The following TRPV6 variants were observed in gnomAD, a reference collection of about 807,000 sequenced individuals.
TRPV6 encodes Alu-binding protein with zinc finger domain.
A neutral mutation model predicts 79.0 loss-of-function variants in TRPV6; 39 were observed. The observed-to-expected ratio is 0.49, with a 90% CI of 0.38 to 0.64. The LOEUF (loss-of-function observed/expected upper bound fraction) is 0.64. TRPV6 is among the 30% of genes least tolerant of loss of function. TRPV6 has a pLI of 0.00. For synonymous variants in TRPV6, 373 were observed against 391.9 expected, an observed-to-expected ratio of 0.95 and a Z score of 0.57; for missense variants, 813 against 1,011.1, an observed-to-expected ratio of 0.80 and a Z score of 2.66.
chr7:142,874,375 G>A (rs1795007991), intron 11 of TRPV6, 116 bp downstream of exon 11: 3 of 1,353,188 alleles, frequency 2.2e-6, no homozygotes, highest in Admixed American at 3.8e-5. Context: ...AAAACATGCA[G>A]TGAGGCCATG....
intron 4 of TRPV6, 25 bp from the exon 5 acceptor site, chr7:142,876,862 T>C (rs1450983539): frequency 6.2e-7 from 1 of 1,613,312 alleles, no homozygotes; most frequent in Non-Finnish European, 8.5e-7. Flanking sequence ...AGATCTATGG[T>C]AGGAGAGTGC....
intron 1 of TRPV6, chr7:142,883,372 T>G (rs1042570566): frequency 6.6e-6 from 1 of 152,168 alleles, no homozygotes; most frequent in Non-Finnish European, 1.5e-5. Flanking sequence ...CCTTTCTCAC[T>G]AGACCATCCT....
intron 1 of TRPV6, chr7:142,884,198 G>C (rs1024252605): frequency 2.0e-5 from 3 of 152,238 alleles, no homozygotes; most frequent in Non-Finnish European, 2.9e-5. Context: ...ATGTGCTCCA[G>C]TCCCCACTCT....
chr7:142,873,882 T>A lies in TRPV6; in HGVS notation c.1640-166A>T. 1 of 1,119,698 alleles carries A rather than the reference T, an allele frequency of 8.9e-7. No homozygotes were observed. The highest frequency in any genetic ancestry group is 1.3e-6 in the Non-Finnish European group (1 of 781,420). 69.4% of individuals were successfully genotyped at this position (1,119,698 alleles called of 1,614,324 possible). On this transcript the variant is annotated intron_variant, in intron 12 of 14. Transcript: ENST00000359396. This position sits in a 1 kb window ranked among gnomAD's most constrained non-coding sequence, Gnocchi z 4.8. ...GGTCCCTAGTTTTGTATGAGCCTCA[T>A]CTTGATCCTAAGAGCCACCTCTCCC...
chr7:142,875,356 T>C (rs1563354657), intron 8 of TRPV6, 112 bp downstream of exon 8: 1 of 1,301,210 alleles, frequency 7.7e-7, no homozygotes, highest in Non-Finnish European at 1.1e-6. Flanking sequence ...TGTACCCATA[T>C]ATTTGAGATT....
intron 3 of TRPV6, 86 bp downstream of exon 3, chr7:142,877,565 C>T: frequency 6.4e-7 from 1 of 1,555,010 alleles, no homozygotes; most frequent in Admixed American, 1.9e-5. Context: ...TCCCCTGTGT[C>T]TTTCCCAAAT....
intron 1 of TRPV6, chr7:142,880,473 G>A (rs752590830): frequency 5.3e-5 from 8 of 152,178 alleles, no homozygotes; most frequent in Non-Finnish European, 1.2e-4. Flanking sequence ...ATGCTTCCAC[G>A]TTTGTGTCCC....
intron 1 of TRPV6, chr7:142,882,268 T>C (rs956905497): frequency 2.0e-5 from 3 of 152,242 alleles, no homozygotes; most frequent in African/African-American, 7.2e-5. Context: ...CCCCTCTCAT[T>C]CCCGCAGCAT....
chr7:142,885,582 G>A lies in TRPV6; in HGVS notation c.55C>T (p.Pro19Ser). 1 of 1,515,470 alleles carries A rather than the reference G, an allele frequency of 6.6e-7. No individual in the cohort carries two copies. Among genetic ancestry groups the A allele is most frequent in the Non-Finnish European group, 8.8e-7 (1 of 1,130,926 alleles). The allele number at this position is 1,515,470 out of a possible 1,614,324, so 93.9% of individuals were successfully genotyped here. The change falls in exon 1 of 15, where the codon CCA (proline) becomes TCA (serine). Residue 19 changes from proline to serine, a missense_variant. By Grantham distance (74) the Pro-to-Ser change is moderately conservative. Transcript: ENST00000359396. The stretch of plus-strand genomic sequence containing the variant: ...CAGACCCTGACGGGACTCAGCCTTG[G>A]GGCCACATCAGCCCCCCCAAGGGCC...
At chr7:142,877,327 C>T in intron 3 of TRPV6, 48 bp from the exon 4 acceptor site, 1 of 1,602,660 alleles carries the variant, frequency 6.2e-7, no homozygotes, top group African/African-American at 1.3e-5. Context: ...CAGGATCCTG[C>T]AGGGGGTCCC....
rs1223387782 is a variant in TRPV6, at chr7:142,879,550, G to A, written c.249-1524C>T. 8 of 152,274 alleles carry A rather than the reference G, an allele frequency of 5.3e-5. No homozygotes were observed. The East Asian group carries it at 9.7e-4, about 18-fold the overall frequency. 9.4% of individuals were successfully genotyped at this position (152,274 alleles called of 1,614,324 possible). A position where few individuals can be genotyped will look rare whatever the true frequency, so the allele number is the denominator to read the frequency against. On this transcript the variant is annotated intron_variant, in intron 1 of 14. Transcript: ENST00000359396. ...TAGACAGGAGCTCACATTCTAAAGCGCTGGCAGTGGCAAGAAATTGACTCC... is the reference window on the plus strand; with the variant it reads ...TAGACAGGAGCTCACATTCTAAAGCACTGGCAGTGGCAAGAAATTGACTCC...
In TRPV6 at chr7:142,885,669, G is replaced by T. The variant is rs914391858; in HGVS notation, c.-33C>A. ...CTCCTGCCTTCCTGACGAGTTCCTT[G>T]GGAGTCTCCCAGCAGCCCCAGCCAG... On this transcript the variant is annotated 5_prime_UTR_variant, in exon 1 of 15. Coordinates refer to ENST00000359396, the MANE Select transcript of TRPV6 (RefSeq NM_018646.6). 1.5e-5 allele frequency: 16 copies of T among 1,097,958 alleles called. No individual in the cohort carries two copies. In the African/African-American group the frequency reaches 1.7e-4, roughly 12 times the overall value. The allele number at this position is 1,097,958 out of a possible 1,614,324, so 68.0% of individuals were successfully genotyped here.
intron 3 of TRPV6, 91 bp downstream of exon 3, chr7:142,877,558 CCT>C (rs1305206984): frequency 6.5e-7 from 1 of 1,547,004 alleles, no homozygotes; most frequent in Non-Finnish European, 8.7e-7. Context: ...GCTCAGATCC[CCT>C]GTGTCTTTCC....
chr7:142,879,082 C>A (rs761346083), intron 1 of TRPV6: 5 of 152,168 alleles, frequency 3.3e-5, no homozygotes, highest in Non-Finnish European at 7.3e-5. Context: ...TACTTTGTTT[C>A]GGCTATTGGC....
chr7:142,885,595 C>T lies in TRPV6; in HGVS notation c.42G>A (p.Gly14=), dbSNP rs574517185. The T allele has an allele frequency of 2.0e-5, 30 of 1,495,032 alleles. No homozygotes were observed. Among genetic ancestry groups the T allele is most frequent in the Non-Finnish European group, 2.4e-5 (27 of 1,120,272 alleles). 92.6% of individuals were successfully genotyped at this position (1,495,032 alleles called of 1,614,324 possible). A position where few individuals can be genotyped will look rare whatever the true frequency, so the allele number is the denominator to read the frequency against. Residue 14 remains glycine (G), a synonymous_variant, in exon 1 of 15, where the codon GGG becomes GGA. Transcript: ENST00000359396. ...GACTCAGCCTTGGGGCCACATCAGC[C>T]CCCCCAAGGGCCGGCCCACCGTCTC...
chr7:142,873,693 C>CT lies in TRPV6; in HGVS notation c.1662dup (p.Glu555ArgfsTer74), dbSNP rs1563353609. ...AAGTGGCCTAGCTCCTCGGGGTCCT[C>CT]TGTCTGGAAGATGATATAGAAGGCT... On this transcript the variant is annotated frameshift_variant, in exon 13 of 15. Coordinates refer to ENST00000359396, the MANE Select transcript of TRPV6 (RefSeq NM_018646.6). LOFTEE classifies it high-confidence loss of function. The surrounding 1 kb of genome is among the most constrained non-coding windows in gnomAD (Gnocchi z 4.8). 1.9e-6 allele frequency: 3 copies of CT among 1,614,158 alleles called. No individual in the cohort carries two copies. The highest frequency in any genetic ancestry group is 2.5e-6 in the Non-Finnish European group (3 of 1,180,030).
chr7:142,876,051 C>T (rs1050848594), intron 6 of TRPV6, 147 bp from the exon 7 acceptor site: 1 of 853,534 alleles, frequency 1.2e-6, no homozygotes, highest in African/African-American at 1.7e-5. Flanking sequence ...GCAGAAGAAC[C>T]CACATTCACA....
At chr7:142,875,991 ACC>A (rs1795059643) in intron 6 of TRPV6, 87 bp from the exon 7 acceptor site, 1 of 1,409,564 alleles carries the variant, frequency 7.1e-7, no homozygotes, top group Non-Finnish European at 9.5e-7. Context: ...GGAGGACGGC[ACC>A]CCTGGAGAAG....
intron 2 of TRPV6, 41 bp from the exon 3 acceptor site, chr7:142,877,814 A>G: frequency 1.9e-6 from 3 of 1,613,642 alleles, no homozygotes; most frequent in Non-Finnish European, 2.5e-6. Context: ...CTTCTGTGGG[A>G]CAGCGGATTG....
Sources: allele counts gnomAD v4.1 joint callset, GRCh38; gene constraint gnomAD v4.1.1; non-coding constraint Gnocchi (gnomAD v3.1); transcripts MANE v1.5; gene names NCBI Gene and HGNC (gene_info 2026-07-23, HGNC 2026-07-21).